Variants in YPEL2 observed in about 807,000 individuals in gnomAD.
The protein encoded by YPEL2 is yippee like 2, also known as protein yippee-like 2.
A neutral mutation model predicts 19.1 loss-of-function variants in YPEL2; 2 were observed. That is an observed-to-expected ratio of 0.10 (90% CI 0.04 to 0.33). The LOEUF is 0.33. Ranked by LOEUF, YPEL2 falls within the 10% of genes least tolerant of loss-of-function variation. The pLI is 1.00. For synonymous variants in YPEL2, 52 were observed against 50.0 expected (o/e 1.04, Z -0.17); for missense variants, 66 against 140.7 (o/e 0.47, Z 2.68).
intron 2 of YPEL2, among the ~76,000 whole-genome samples, chr17:59,370,601 C>T (rs985969879): frequency 6.6e-6 from 1 of 152,162 alleles, no homozygotes; most frequent in African/African-American, 2.4e-5. Flanking sequence ...TGGTCCTTCT[C>T]AGACTGTCTG....
At chr17:59,362,438 G>A (rs1303330487) in intron 2 of YPEL2, among the ~76,000 whole-genome samples, 4 of 152,072 alleles carry the variant, frequency 2.6e-5, no homozygotes, top group Non-Finnish European at 5.9e-5. Flanking sequence ...TAGTATCAAG[G>A]GAGCTGCTGG....
At chr17:59,347,716 A>G (rs922130997) in intron 1 of YPEL2, among the ~76,000 whole-genome samples, 1 of 152,156 alleles carries the variant, frequency 6.6e-6, no homozygotes, top group Non-Finnish European at 1.5e-5. Flanking sequence ...TGAAAAGAGA[A>G]TTCTAGATTT....
chr17:59,385,316 T>G, intron 2 of YPEL2, among the ~76,000 whole-genome samples: 1 of 152,230 alleles, frequency 6.6e-6, no homozygotes, highest in East Asian at 1.9e-4. Flanking sequence ...ACATCTGTAA[T>G]CCCAGCACTT....
In YPEL2 at chr17:59,353,149, T is replaced by C; in HGVS notation, c.-195-66T>C. ...CCTTCTTCATGGGTGGCAGTTGGATTCTGCTTGCTTTGTAGGGAGCCCTGC... is the reference window on the plus strand; with the variant it reads ...CCTTCTTCATGGGTGGCAGTTGGATCCTGCTTGCTTTGTAGGGAGCCCTGC... On this transcript the variant is annotated intron_variant, in intron 1 of 4. Coordinates refer to ENST00000312655, the MANE Select transcript of YPEL2 (RefSeq NM_001005404.4). The surrounding 1 kb of genome is among the most constrained non-coding windows in gnomAD (Gnocchi z 4.8). The C allele has an allele frequency of 3.2e-6, 1 of 314,430 alleles. No individual in the cohort carries two copies. Among genetic ancestry groups the C allele is most frequent in the South Asian group, 8.0e-5 (1 of 12,492 alleles). The allele number at this position is 314,430 out of a possible 1,614,324, so 19.5% of individuals were successfully genotyped here. A position where few individuals can be genotyped will look rare whatever the true frequency, so the allele number is the denominator to read the frequency against.
intron 1 of YPEL2, among the ~76,000 whole-genome samples, chr17:59,334,607 C>CACACAT (rs1567726279): frequency 6.7e-6 from 1 of 149,608 alleles, no homozygotes; most frequent in African/African-American, 2.4e-5. Context: ...CACACACACA[C>CACACAT]GCCTGATGCA....
At chr17:59,381,240 C>T (rs1206389072) in intron 2 of YPEL2, among the ~76,000 whole-genome samples, 1 of 152,222 alleles carries the variant, frequency 6.6e-6, no homozygotes, top group African/African-American at 2.4e-5. Context: ...GATCCTCTTA[C>T]ACCGTGCAGA....
At chr17:59,389,943 A>G (rs1171976624) in intron 4 of YPEL2, among the ~76,000 whole-genome samples, 1 of 152,150 alleles carries the variant, frequency 6.6e-6, no homozygotes, top group African/African-American at 2.4e-5. Context: ...GGACGTGACC[A>G]TGTAGTAGTA....
chr17:59,373,026 A>G (rs777019813), intron 2 of YPEL2, among the ~76,000 whole-genome samples: 1 of 152,132 alleles, frequency 6.6e-6, no homozygotes, highest in Non-Finnish European at 1.5e-5. Context: ...GGCGTGTGCC[A>G]CCACACACAG....
intron 1 of YPEL2, among the ~76,000 whole-genome samples, chr17:59,350,065 G>A (rs1046964251): frequency 1.3e-5 from 2 of 151,840 alleles, no homozygotes; most frequent in Non-Finnish European, 2.9e-5. Context: ...TCAGCAAGCC[G>A]CTTTTTCTTC....
intron 2 of YPEL2, among the ~76,000 whole-genome samples, chr17:59,361,701 TC>T (rs1272664334): frequency 2.0e-5 from 3 of 152,188 alleles, no homozygotes; most frequent in African/African-American, 7.2e-5. Flanking sequence ...TGTATATTTT[TC>T]TAGAGAGGGT....
intron 1 of YPEL2, among the ~76,000 whole-genome samples, chr17:59,347,387 G>A (rs1354359629): frequency 2.0e-5 from 3 of 152,050 alleles, no homozygotes; most frequent in Non-Finnish European, 4.4e-5. Flanking sequence ...TCAGCCTCCC[G>A]AAGTGTTGGG....
chr17:59,380,055 TTCG>T (rs1295087823), intron 2 of YPEL2, among the ~76,000 whole-genome samples: 1 of 150,334 alleles, frequency 6.7e-6, no homozygotes, highest in Admixed American at 6.7e-5. Flanking sequence ...GAGACTGGGT[TTCG>T]TCATGTTGGC....
chr17:59,346,562 G>A (rs1268814198), intron 1 of YPEL2, among the ~76,000 whole-genome samples: 1 of 152,146 alleles, frequency 6.6e-6, no homozygotes, highest in Non-Finnish European at 1.5e-5. Flanking sequence ...TGTGCTACCT[G>A]TGCAGGTAGG....
chr17:59,355,511 C>G (rs965312941), intron 2 of YPEL2: 1 of 152,230 alleles, frequency 6.6e-6, no homozygotes, highest in Non-Finnish European at 1.5e-5. Flanking sequence ...CAAGCCACAT[C>G]GCCTGAATAT....
At chr17:59,351,442 C>T (rs1377824151) in intron 1 of YPEL2, among the ~76,000 whole-genome samples, 1 of 152,058 alleles carries the variant, frequency 6.6e-6, no homozygotes, top group African/African-American at 2.4e-5. Flanking sequence ...CTTGGCTCTA[C>T]CACCCTTTCT....
At chr17:59,359,828 G>A (rs962159107) in intron 2 of YPEL2, among the ~76,000 whole-genome samples, 1 of 152,230 alleles carries the variant, frequency 6.6e-6, no homozygotes. Flanking sequence ...CAGAAGGGTG[G>A]GAACAACTGC....
chr17:59,371,202 C>G (rs916722513), intron 2 of YPEL2, among the ~76,000 whole-genome samples: 1 of 152,210 alleles, frequency 6.6e-6, no homozygotes, highest in African/African-American at 2.4e-5. Context: ...TTCGGCTTAG[C>G]TTTCCCACCG....
At chr17:59,395,920 T>C (rs779095238) in intron 4 of YPEL2, among the ~76,000 whole-genome samples, 18 of 151,754 alleles carry the variant, frequency 1.2e-4, no homozygotes, top group Non-Finnish European at 2.4e-4. Context: ...CTACTGAAAA[T>C]ACAAAAAAAA....
chr17:59,397,293 G>T lies in YPEL2; in HGVS notation c.*103G>T. 2 of 884,238 alleles carry T rather than the reference G, an allele frequency of 2.3e-6. No individual in the cohort carries two copies. The highest frequency in any genetic ancestry group is 2.4e-5 in the South Asian group (1 of 41,626). 54.8% of individuals were successfully genotyped at this position (884,238 alleles called of 1,614,324 possible). A position where few individuals can be genotyped will look rare whatever the true frequency, so the allele number is the denominator to read the frequency against. The stretch of plus-strand genomic sequence containing the variant: ...CTGACACTTGGTTCCATCCATTTAG[G>T]GGCCTTGCCATCCGGGGCATCCTCC... On this transcript the variant is annotated 3_prime_UTR_variant, in exon 5 of 5. Transcript: ENST00000312655.
Sources: gnomAD v4.1 joint callset for allele counts (sites outside exome capture counted in the v4.1 genomes callset) on GRCh38, gnomAD v4.1.1 for gene constraint, Gnocchi (gnomAD v3.1) non-coding constraint, MANE v1.5 for transcripts, NCBI Gene and HGNC (gene_info 2026-07-23, HGNC 2026-07-21) for gene names.